The following TMEM204 variants were observed in gnomAD, a reference collection of about 807,000 sequenced individuals.
TMEM204 encodes transmembrane protein 204.
TMEM204 carries 15 observed loss-of-function variants against 19.4 expected under a neutral mutation model. The ratio of observed to expected loss-of-function variants is 0.77; its 90% CI spans 0.52 to 1.19. The LOEUF (loss-of-function observed/expected upper bound fraction) is 1.19. Among genes scored for constraint, TMEM204 ranks in the 50% most tolerant of loss-of-function variants. The pLI is 0.00. For synonymous variants in TMEM204, 161 were observed against 146.0 expected (o/e 1.10, Z -0.74); for missense variants, 287 against 321.2 (o/e 0.89, Z 0.81).
chr16:1,545,350 C>A (rs935713695), intron 2 of TMEM204, among the ~76,000 whole-genome samples: 9 of 151,688 alleles, frequency 5.9e-5, no homozygotes, highest in Non-Finnish European at 1.0e-4. Context: ...TTCTTGCCCC[C>A]ACAGGCCACC....
intron 1 of TMEM204, chr16:1,541,502 C>T (rs1484456664): frequency 4.1e-6 from 4 of 985,394 alleles, no homozygotes; most frequent in Middle Eastern, 5.2e-4. Flanking sequence ...GGTCAGGCAG[C>T]GCCCTCGTCT....
intron 2 of TMEM204, chr16:1,554,008 C>T (rs1396228467): frequency 7.8e-7 from 1 of 1,287,214 alleles, no homozygotes; most frequent in South Asian, 1.2e-5. Flanking sequence ...AAGGGTTGCT[C>T]ACGGCCCACC....
At chr16:1,537,155 G>A (rs1448928936) in intron 1 of TMEM204, among the ~76,000 whole-genome samples, 4 of 152,212 alleles carry the variant, frequency 2.6e-5, no homozygotes, top group South Asian at 2.1e-4. Context: ...ATTCCATCCC[G>A]AGAACCAGTC....
chr16:1,541,711 C>A (rs1348595057), intron 1 of TMEM204, among the ~76,000 whole-genome samples: 1 of 152,028 alleles, frequency 6.6e-6, no homozygotes, highest in Non-Finnish European at 1.5e-5. Context: ...CTGGGATGAA[C>A]CCTTCCCATC....
chr16:1,540,985 T>G (rs1400828631), intron 1 of TMEM204: 1 of 985,240 alleles, frequency 1.0e-6, no homozygotes, highest in Non-Finnish European at 1.2e-6. Context: ...ACCACCTCAT[T>G]TGGGCCCCTG....
chr16:1,534,612 G>C, intron 1 of TMEM204, 57 bp downstream of exon 1: 2 of 1,593,260 alleles, frequency 1.3e-6, no homozygotes, highest in South Asian at 2.2e-5. Flanking sequence ...AGGGCACATG[G>C]GAGATGTTAG....
chr16:1,534,481 A>T lies in TMEM204; in HGVS notation c.206A>T (p.Asp69Val). The change falls in exon 1 of 3, where the codon GAC becomes GTC. Residue 69 changes from aspartate (D) to valine (V), a missense_variant. Asp to Val is a radical substitution (Grantham distance 152). Coordinates refer to ENST00000566264, the MANE Select transcript of TMEM204 (RefSeq NM_024600.6). ...PSPGARAGQV[D>V]AHDCEALGWG... The stretch of plus-strand genomic sequence containing the variant: ...CCTGGGGCCAGAGCCGGCCAGGTGG[A>T]CGCACATGACTGTGAGGCGCTGGGC... 1 of 1,610,500 alleles carries T rather than the reference A, an allele frequency of 6.2e-7. No homozygotes were observed. Among genetic ancestry groups the T allele is most frequent in the South Asian group, 1.1e-5 (1 of 91,072 alleles).
In TMEM204 at chr16:1,540,670, C is replaced by T. The variant is rs139196879; in HGVS notation, c.281-1251C>T. On this transcript the variant is annotated intron_variant, in intron 1 of 2. Transcript: ENST00000566264. Reference sequence around the variant, plus strand: ...TTCTGGTGTCTGTGATGGATGCGGGCGCGGGGACCCGCTCCTGAGTGGTGA... The same window carrying T: ...TTCTGGTGTCTGTGATGGATGCGGGTGCGGGGACCCGCTCCTGAGTGGTGA... 3.5e-3 allele frequency: 731 copies of T among 208,568 alleles called. 3 individuals are homozygous for T. The highest frequency in any genetic ancestry group is 8.8e-3 in the South Asian group (53 of 6,014). 12.9% of individuals were successfully genotyped at this position (208,568 alleles called of 1,614,324 possible). A position where few individuals can be genotyped will look rare whatever the true frequency, so the allele number is the denominator to read the frequency against.
At chr16:1,546,959 C>T (rs961308732) in intron 2 of TMEM204, among the ~76,000 whole-genome samples, 3 of 152,200 alleles carry the variant, frequency 2.0e-5, no homozygotes, top group East Asian at 1.9e-4. Context: ...AAGTCCCCGC[C>T]GTCCCCCAGT....
intron 2 of TMEM204, among the ~76,000 whole-genome samples, chr16:1,550,716 C>A (rs920094019): frequency 1.3e-5 from 2 of 152,236 alleles, no homozygotes; most frequent in South Asian, 2.1e-4. Flanking sequence ...GCCTTCCCTG[C>A]AAGCTTGACC....
intron 2 of TMEM204, among the ~76,000 whole-genome samples, chr16:1,545,254 C>T (rs1158707182): frequency 6.6e-6 from 1 of 151,970 alleles, no homozygotes; most frequent in Non-Finnish European, 1.5e-5. Flanking sequence ...AAGGTTGGAC[C>T]AGGCTCTGTT....
chr16:1,541,080 C>T (rs1201612619), intron 1 of TMEM204: 3 of 985,352 alleles, frequency 3.0e-6, no homozygotes, highest in Non-Finnish European at 2.4e-6. Context: ...ACGCACCTCC[C>T]TCTGAAGTTC....
intron 1 of TMEM204, among the ~76,000 whole-genome samples, chr16:1,539,288 G>A (rs897763638): frequency 6.0e-5 from 9 of 150,008 alleles, no homozygotes; most frequent in Non-Finnish European, 1.2e-4. Context: ...TCACCAAGCC[G>A]CACAGTGCCA....
At chr16:1,529,206 T>A (rs1013018959), upstream of TMEM204, among the ~76,000 whole-genome samples, 2 of 152,276 alleles carry the variant, frequency 1.3e-5, no homozygotes, top group South Asian at 2.1e-4. Context: ...GGCAGGTGCA[T>A]GTGTCTTAGC....
chr16:1,543,683 T>C (rs2031873840), intron 2 of TMEM204, among the ~76,000 whole-genome samples: 1 of 152,332 alleles, frequency 6.6e-6, no homozygotes, highest in Non-Finnish European at 1.5e-5. Context: ...GACCTAGGAC[T>C]GACTCCGCCT....
At chr16:1,536,116 C>T (rs1008264783) in intron 1 of TMEM204, among the ~76,000 whole-genome samples, 3 of 152,252 alleles carry the variant, frequency 2.0e-5, no homozygotes, top group Non-Finnish European at 2.9e-5. Flanking sequence ...AGTTCCCAGC[C>T]GGCCCTTGGC....
chr16:1,536,342 GC>G (rs2031069653), intron 1 of TMEM204, among the ~76,000 whole-genome samples: 1 of 152,168 alleles, frequency 6.6e-6, no homozygotes, highest in African/African-American at 2.4e-5. Flanking sequence ...CTCACCTCAG[GC>G]CAGCAGGACA....
In TMEM204 at chr16:1,534,061, G is replaced by T; in HGVS notation, c.-215G>T. 2 of 590,298 alleles carry T rather than the reference G, an allele frequency of 3.4e-6. No individual in the cohort carries two copies. The highest frequency in any genetic ancestry group is 5.6e-6 in the Non-Finnish European group (2 of 354,354). 36.6% of individuals were successfully genotyped at this position (590,298 alleles called of 1,614,324 possible). The stretch of plus-strand genomic sequence containing the variant: ...ATGGGCCCCGAGGCGAGCAGCTTCA[G>T]CACAGGCCTGGCCCTGCTCCAGGTG... On this transcript the variant is annotated 5_prime_UTR_variant, in exon 1 of 3. Coordinates refer to ENST00000566264, the MANE Select transcript of TMEM204 (RefSeq NM_024600.6).
At chr16:1,539,240 C>T (rs1209825257) in intron 1 of TMEM204, among the ~76,000 whole-genome samples, 1 of 151,130 alleles carries the variant, frequency 6.6e-6, no homozygotes, top group Non-Finnish European at 1.5e-5. Flanking sequence ...CAGGACTCAC[C>T]AAGCCACACG....
Sources: allele counts gnomAD v4.1 joint callset (sites outside exome capture counted in the v4.1 genomes callset), GRCh38; gene constraint gnomAD v4.1.1; transcripts MANE v1.5; gene names NCBI Gene and HGNC (gene_info 2026-07-23, HGNC 2026-07-21).